Variants in MYO9B observed in about 807,000 individuals in gnomAD.
MYO9B encodes myosin IXB.
In MYO9B, 71 loss-of-function variants were observed where a neutral mutation model predicts 229.5. The ratio of observed to expected loss-of-function variants is 0.31; its 90% CI spans 0.26 to 0.38. The LOEUF (loss-of-function observed/expected upper bound fraction) is 0.38. Ranked by LOEUF, MYO9B falls within the 10% of genes least tolerant of loss-of-function variation. The pLI is 1.00. For synonymous variants in MYO9B, 1,185 were observed against 1,235.8 expected (o/e 0.96, Z 0.86); for missense variants, 2,255 against 2,920.5 (o/e 0.77, Z 5.25).
rs572065503 is a variant in MYO9B, at chr19:17,188,124, C to T, written c.2688+79C>T. 1.1e-4 allele frequency: 146 copies of T among 1,327,492 alleles called. 1 individual carries two copies. In the African/African-American group the frequency reaches 1.9e-3, roughly 17 times the overall value. The allele number at this position is 1,327,492 out of a possible 1,614,324, so 82.2% of individuals were successfully genotyped here. On this transcript the variant is annotated intron_variant, in intron 19 of 39. Transcript: ENST00000682292. ...ACCCTCTTCCAAAGAGAGCTCCTTG[C>T]TGGAGTGTAAACTCAGCAGGTTGGC...
At chr19:17,130,163 C>T (rs2072176366) in intron 2 of MYO9B, among the ~76,000 whole-genome samples, 1 of 152,112 alleles carries the variant, frequency 6.6e-6, no homozygotes, top group African/African-American at 2.4e-5. Context: ...GAGAGCCATC[C>T]TTTAGATAGA....
In MYO9B at chr19:17,175,539, A is replaced by G. The variant is rs530321548; in HGVS notation, c.2141-124A>G. ...AGTTGCAGTGGGCCGAGATCGCGCC[A>G]CTGTGCTCCAGCCTGGGTGACAGAG... On this transcript the variant is annotated intron_variant, in intron 13 of 39. Transcript: ENST00000682292. The G allele has an allele frequency of 7.7e-6, 5 of 648,000 alleles. No homozygotes were observed. The South Asian group carries it at 1.2e-4, about 15-fold the overall frequency. The allele number at this position is 648,000 out of a possible 1,614,324, so 40.1% of individuals were successfully genotyped here.
In MYO9B at chr19:17,159,478, C is replaced by A; in HGVS notation, c.1413C>A (p.Leu471=). Residue 471 remains leucine, a synonymous_variant, in exon 8 of 40, where the codon CTC becomes CTA. Transcript: ENST00000682292. ...ACAAGCTTATCCTTCCCTACAGCCT[C>A]AGCGAGGTGAGCTCTGCCCAGGCAC... The part of the protein sequence containing the change: ...VNDKLILPYS[L]SEAITARDSM... 6.2e-7 allele frequency: 1 copy of A among 1,607,712 alleles called. No individual in the cohort carries two copies.
At position 17,200,360 on chromosome 19, in the gene MYO9B, G is replaced by T; in HGVS notation, c.4306G>T (p.Glu1436Ter). ...AAAATACAGCCTGGAGGGCGCAGAG[G>T]AGCTGGAGAATGCAGTGTCCGGGCA... ...DKKYSLEGAE[E>*]LENAVSGHVV... Residue 1436 changes from glutamate (E) to a stop codon, truncating the protein, a stop_gained, in exon 25 of 40, where the codon GAG becomes TAG. Coordinates refer to ENST00000682292, the MANE Select transcript of MYO9B (RefSeq NM_004145.4). LOFTEE classifies it high-confidence loss of function. The T allele has an allele frequency of 1.2e-6, 2 of 1,610,270 alleles. No individual in the cohort carries two copies. Among genetic ancestry groups the T allele is most frequent in the Non-Finnish European group, 1.7e-6 (2 of 1,178,076 alleles).
chr19:17,147,308 C>T (rs999670181), intron 3 of MYO9B, among the ~76,000 whole-genome samples: 11 of 151,820 alleles, frequency 7.2e-5, no homozygotes, highest in Non-Finnish European at 4.4e-5. Context: ...TTTGGGAGGC[C>T]GAGGTGGGTG....
intron 2 of MYO9B, among the ~76,000 whole-genome samples, chr19:17,138,736 G>A (rs1197265937): frequency 6.6e-6 from 1 of 152,158 alleles, no homozygotes; most frequent in Non-Finnish European, 1.5e-5. Context: ...GTGATATTGT[G>A]GTCACATGAA....
intron 2 of MYO9B, among the ~76,000 whole-genome samples, chr19:17,107,390 G>T (rs568319440): frequency 6.6e-6 from 1 of 152,114 alleles, no homozygotes; most frequent in Non-Finnish European, 1.5e-5. Flanking sequence ...AAAGTGGCAC[G>T]GCCAGGAGGC....
At chr19:17,081,792 G>A (rs2057535688) in intron 1 of MYO9B, among the ~76,000 whole-genome samples, 1 of 135,126 alleles carries the variant, frequency 7.4e-6, no homozygotes, top group Non-Finnish European at 1.5e-5. Flanking sequence ...GCCTGGGCAA[G>A]AGAGTAAGAT....
rs1599323361 is a variant in MYO9B at position 17,101,551 on chromosome 19, G to A, written c.-58-109G>A. On this transcript the variant is annotated intron_variant, in intron 1 of 39. Coordinates refer to ENST00000682292, the MANE Select transcript of MYO9B (RefSeq NM_004145.4). The surrounding 1 kb of genome is among the most constrained non-coding windows in gnomAD (Gnocchi z 4.7). ...TTTTTGGGCGAGCCTAGTCGGGTGG[G>A]GAACTCCAGCATCGGGTCAGGTGCT... The A allele has an allele frequency of 8.8e-6, 10 of 1,131,418 alleles. No individual in the cohort carries two copies. The East Asian group carries it at 2.4e-4, about 27-fold the overall frequency. The allele number at this position is 1,131,418 out of a possible 1,614,324, so 70.1% of individuals were successfully genotyped here. A position where few individuals can be genotyped will look rare whatever the true frequency, so the allele number is the denominator to read the frequency against.
intron 38 of MYO9B, among the ~76,000 whole-genome samples, chr19:17,211,187 G>T (rs985095419): frequency 6.6e-6 from 1 of 151,832 alleles, no homozygotes; most frequent in Non-Finnish European, 1.5e-5. Flanking sequence ...CACCACATTG[G>T]CCAGGCTGGT....
At chr19:17,122,847 A>T (rs988128891) in intron 2 of MYO9B, among the ~76,000 whole-genome samples, 15 of 152,114 alleles carry the variant, frequency 9.9e-5, no homozygotes, top group African/African-American at 3.6e-4. Context: ...TGTAATCCCA[A>T]CACTTTGGGA....
intron 2 of MYO9B, among the ~76,000 whole-genome samples, chr19:17,134,278 A>G (rs919185124): frequency 3.3e-5 from 5 of 150,424 alleles, no homozygotes; most frequent in African/African-American, 1.2e-4. Context: ...GAGATCATGC[A>G]GTATTTGCCT....
chr19:17,192,329 C>T (rs1018413375), intron 20 of MYO9B, among the ~76,000 whole-genome samples: 1 of 149,168 alleles, frequency 6.7e-6, no homozygotes, highest in Non-Finnish European at 1.5e-5. Flanking sequence ...TGCAGTGGCT[C>T]ATGCCTGTAA....
At chr19:17,169,802 C>CCCCT (rs1555700073) in intron 11 of MYO9B, among the ~76,000 whole-genome samples, 1 of 106,584 alleles carries the variant, frequency 9.4e-6, no homozygotes, top group African/African-American at 4.1e-5. Flanking sequence ...CTGTCTCCTC[C>CCCCT]TTTTTTTTTT....
At chr19:17,096,652 C>T (rs1230148010) in intron 1 of MYO9B, among the ~76,000 whole-genome samples, 2 of 148,762 alleles carry the variant, frequency 1.3e-5, no homozygotes, top group African/African-American at 5.0e-5. Flanking sequence ...TGAGCTGCCT[C>T]GTTCAGATAG....
Position 17,212,377 on chromosome 19 carries a change from G to C in MYO9B, c.*67G>C. Reference sequence around the variant, plus strand: ...TGCACTGGAGCTGGGCGCCAGAGCTGCAGAGCTAGTGTTCGGCCCTCAGAG... The same window carrying C: ...TGCACTGGAGCTGGGCGCCAGAGCTCCAGAGCTAGTGTTCGGCCCTCAGAG... On this transcript the variant is annotated 3_prime_UTR_variant, in exon 40 of 40. Coordinates refer to ENST00000682292, the MANE Select transcript of MYO9B (RefSeq NM_004145.4). The surrounding 1 kb of genome is among the most constrained non-coding windows in gnomAD (Gnocchi z 5.4). 1 of 1,403,568 alleles carries C rather than the reference G, an allele frequency of 7.1e-7. No homozygotes were observed. Among genetic ancestry groups the C allele is most frequent in the Non-Finnish European group, 9.3e-7 (1 of 1,078,374 alleles). 86.9% of individuals were successfully genotyped at this position (1,403,568 alleles called of 1,614,324 possible).
At chr19:17,108,936 C>T (rs2057819966) in intron 2 of MYO9B, among the ~76,000 whole-genome samples, 1 of 152,030 alleles carries the variant, frequency 6.6e-6, no homozygotes, top group Non-Finnish European at 1.5e-5. Context: ...TGGTCTCAAA[C>T]TCCTGACCTC....
At chr19:17,160,510 C>CT (rs34857957) in intron 8 of MYO9B, among the ~76,000 whole-genome samples, 7,473 of 128,078 alleles carry the variant, frequency 0.058, 834 homozygotes, top group African/African-American at 0.2. Context: ...TCTTTTTTTT[C>CT]TTTTTTTTTT....
Position 17,202,133 on chromosome 19 carries a change from G to A in MYO9B, c.4666G>A (p.Gly1556Arg), listed in dbSNP as rs780546747. 5 of 1,613,614 alleles carry A rather than the reference G, an allele frequency of 3.1e-6. No individual in the cohort carries two copies. Among genetic ancestry groups the A allele is most frequent in the Non-Finnish European group, 4.2e-6 (5 of 1,179,690 alleles). ...GTGACGCCTAGCATTCCTACAGAAC[G>A]GGAAGATCCACGTGGGCTACAAGGA... Reference protein sequence around the residue: ...NIKTMYSVPNGKIHVGYKDLM... With the variant: ...NIKTMYSVPNRKIHVGYKDLM... The change falls in exon 28 of 40, where the codon GGG (glycine) becomes AGG (arginine). Residue 1556 changes from glycine to arginine, a missense_variant. Coordinates refer to ENST00000682292, the MANE Select transcript of MYO9B (RefSeq NM_004145.4).
Sources: allele counts gnomAD v4.1 joint callset (sites outside exome capture counted in the v4.1 genomes callset), GRCh38; gene constraint gnomAD v4.1.1; non-coding constraint Gnocchi (gnomAD v3.1); transcripts MANE v1.5; gene names NCBI Gene and HGNC (gene_info 2026-07-23, HGNC 2026-07-21).